ZNG1B: variants seen among roughly 807,000 people sequenced by gnomAD.
The protein encoded by ZNG1B is zinc-regulated GTPase metalloprotein activator 1B.
chr2:113,474,749 C>T, the ZNG1B span, among the ~76,000 whole-genome samples: 2 of 151,946 alleles, frequency 1.3e-5, no homozygotes, highest in African/African-American at 4.8e-5. Context: ...GTTATGTACC[C>T]AGTAGTCATT....
At chr2:113,450,518 T>G in the ZNG1B span, among the ~76,000 whole-genome samples, 1 of 147,768 alleles carries the variant, frequency 6.8e-6, no homozygotes, top group Non-Finnish European at 1.5e-5. Context: ...TTCTTCTTGC[T>G]TTTGAGCTTG....
chr2:113,450,809 TA>T, the ZNG1B span, among the ~76,000 whole-genome samples: 1 of 148,016 alleles, frequency 6.8e-6, no homozygotes, highest in Non-Finnish European at 1.5e-5. Context: ...CCACTCTCCT[TA>T]CCCAAGTTTG....
chr2:113,483,287 AG>A, the ZNG1B span, among the ~76,000 whole-genome samples: 1 of 151,328 alleles, frequency 6.6e-6, no homozygotes, highest in African/African-American at 2.4e-5. Flanking sequence ...CTCCATCCAT[AG>A]AGCCTCGAAT....
chr2:113,475,290 T>C, the ZNG1B span, among the ~76,000 whole-genome samples: 1 of 151,866 alleles, frequency 6.6e-6, no homozygotes, highest in Admixed American at 6.6e-5. Flanking sequence ...AAGTCTGTTT[T>C]ATCAGAGACT....
At chr2:113,481,063 AAACTT>A in the ZNG1B span, among the ~76,000 whole-genome samples, 7 of 151,318 alleles carry the variant, frequency 4.6e-5, no homozygotes, top group African/African-American at 1.7e-4. Flanking sequence ...TATGGGAACT[AAACTT>A]AAATGTTCGT....
chr2:113,478,327 G>A, the ZNG1B span, among the ~76,000 whole-genome samples: 1 of 152,000 alleles, frequency 6.6e-6, no homozygotes, highest in African/African-American at 2.4e-5. Flanking sequence ...TCAGGCTGGA[G>A]TGCAGTGGCA....
At chr2:113,484,551 T>G in the ZNG1B span, among the ~76,000 whole-genome samples, 1 of 152,378 alleles carries the variant, frequency 6.6e-6, no homozygotes, top group South Asian at 2.1e-4. Flanking sequence ...GATAGTTTTT[T>G]GTTTGTTTGT....
the ZNG1B span, among the ~76,000 whole-genome samples, chr2:113,486,792 G>A: frequency 1.3e-5 from 2 of 152,196 alleles, no homozygotes; most frequent in Non-Finnish European, 2.9e-5. Context: ...TAACAATAAA[G>A]CAATTTGGAG....
the ZNG1B span, among the ~76,000 whole-genome samples, chr2:113,487,427 G>T: frequency 6.6e-6 from 1 of 151,954 alleles, no homozygotes; most frequent in Non-Finnish European, 1.5e-5. Context: ...AATTTTTAAG[G>T]GTACAATATA....
chr2:113,486,566 G>A, the ZNG1B span, among the ~76,000 whole-genome samples: 4 of 151,722 alleles, frequency 2.6e-5, no homozygotes, highest in Non-Finnish European at 5.9e-5. Context: ...ACCAGCCTGG[G>A]CAACATGGTG....
chr2:113,477,755 G>C, the ZNG1B span, among the ~76,000 whole-genome samples: 2 of 152,206 alleles, frequency 1.3e-5, no homozygotes. Flanking sequence ...AGGATGTGCA[G>C]CAGATCTCTG....
chr2:113,443,076 C>G, the ZNG1B span, among the ~76,000 whole-genome samples: 11 of 151,500 alleles, frequency 7.3e-5, no homozygotes, highest in African/African-American at 2.7e-4. Context: ...TCACGCCATT[C>G]TCCTGCCTCA....
the ZNG1B span, among the ~76,000 whole-genome samples, chr2:113,468,367 C>G: frequency 6.6e-6 from 1 of 151,332 alleles, no homozygotes; most frequent in Admixed American, 6.6e-5. Context: ...TGCAATTCCA[C>G]CCCCACCTTG....
chr2:113,458,423 G>T, the ZNG1B span, among the ~76,000 whole-genome samples: 2 of 151,764 alleles, frequency 1.3e-5, no homozygotes. Flanking sequence ...TGCTATAATG[G>T]TATATGATTA....
the ZNG1B span, among the ~76,000 whole-genome samples, chr2:113,478,704 G>A: frequency 6.6e-6 from 1 of 151,326 alleles, no homozygotes; most frequent in East Asian, 1.9e-4. Context: ...AATACCTACA[G>A]TAACCTGTGA....
chr2:113,453,025 A>G, the ZNG1B span: 1 of 1,458,000 alleles, frequency 6.9e-7, no homozygotes, highest in Non-Finnish European at 9.3e-7. Flanking sequence ...AATTTCCATA[A>G]GAAGATATAT....
chr2:113,488,590 C>A, the ZNG1B span, among the ~76,000 whole-genome samples: 3 of 142,786 alleles, frequency 2.1e-5, no homozygotes, highest in Admixed American at 7.2e-5. Context: ...AGGTGAAGCC[C>A]AATGTAAAGA....
At chr2:113,489,173 G>T in the ZNG1B span, among the ~76,000 whole-genome samples, 3 of 151,662 alleles carry the variant, frequency 2.0e-5, no homozygotes, top group Non-Finnish European at 4.4e-5. Context: ...CAGAAACCCT[G>T]CAAGCCAGAA....
the ZNG1B span, among the ~76,000 whole-genome samples, chr2:113,474,411 A>G: frequency 6.7e-6 from 1 of 148,946 alleles, no homozygotes; most frequent in African/African-American, 2.5e-5. Context: ...GCGGTCTATC[A>G]ATTTTGTTGA....
Sources: gnomAD v4.1 joint callset for allele counts (sites outside exome capture counted in the v4.1 genomes callset) on GRCh38, gnomAD v4.1.1 for gene constraint, MANE v1.5 for transcripts, NCBI Gene and HGNC (gene_info 2026-07-23, HGNC 2026-07-21) for gene names.